INSR: variants seen among roughly 807,000 people sequenced by gnomAD.
The protein encoded by INSR is insulin receptor.
A neutral mutation model predicts 142.6 loss-of-function variants in INSR; 67 were observed. The ratio of observed to expected loss-of-function variants is 0.47; its 90% confidence interval spans 0.39 to 0.58. The LOEUF is 0.58. Among genes scored for constraint, INSR ranks in the 20% least tolerant of loss-of-function variants. INSR has a pLI of 0.00. For synonymous variants in INSR, 756 were observed against 743.1 expected, an observed-to-expected ratio of 1.02 and a Z score of -0.28; for missense variants, 1,248 against 1,833.2, an observed-to-expected ratio of 0.68 and a Z score of 5.83.
chr19:7,265,287 C>T (rs978157660), intron 2 of INSR, among the ~76,000 whole-genome samples: 2 of 152,146 alleles, frequency 1.3e-5, no homozygotes, highest in African/African-American at 4.8e-5. Context: ...TATGGACACA[C>T]CAGAAACAGA....
At position 7,207,415 on chromosome 19, in the gene INSR, T is replaced by TCAAAA. The variant is rs887233293; in HGVS notation, c.653-22783_653-22779dup. On this transcript the variant is annotated intron_variant, in intron 2 of 21. Transcript: ENST00000302850. ...CTGGGCAACAGAGTGAGACTCCATCTCAAAACAAAACAAAACAAAACAAAA... is the reference window on the plus strand; with the variant it reads ...CTGGGCAACAGAGTGAGACTCCATCTCAAAACAAAACAAAACAAAACAAAACAAAA... 1.5e-4 allele frequency among the ~76,000 whole-genome samples: 22 copies of TCAAAA among 151,354 alleles called. 1 individual carries two copies. The South Asian group carries it at 2.3e-3, about 16-fold the overall frequency.
chr19:7,263,486 G>C (rs1024693781), intron 2 of INSR, among the ~76,000 whole-genome samples: 5 of 152,136 alleles, frequency 3.3e-5, no homozygotes, highest in African/African-American at 9.7e-5. Flanking sequence ...CCGGTACCCC[G>C]GGAAGTGTTA....
intron 2 of INSR, among the ~76,000 whole-genome samples, chr19:7,200,088 G>A (rs1042141422): frequency 6.6e-6 from 1 of 152,090 alleles, no homozygotes; most frequent in Non-Finnish European, 1.5e-5. Context: ...AGGAATAGAA[G>A]ATTAGACCAG....
intron 14 of INSR, among the ~76,000 whole-genome samples, chr19:7,130,924 G>C (rs1245769792): frequency 6.7e-6 from 1 of 148,870 alleles, no homozygotes; most frequent in Non-Finnish European, 1.5e-5. Context: ...TGTCACCCAG[G>C]CTGGAGTGCA....
rs748506835 is a variant in INSR at position 7,166,379 on chromosome 19, C to T, written c.1636G>A (p.Asp546Asn). The T allele has an allele frequency of 3.7e-6, 6 of 1,614,034 alleles. No individual in the cohort carries two copies. The highest frequency in any genetic ancestry group is 1.6e-4 in the Middle Eastern group (1 of 6,062). The change falls in exon 8 of 22, where the codon GAC becomes AAC. Residue 546 changes from aspartate to asparagine, a missense_variant. Coordinates refer to ENST00000302850, the MANE Select transcript of INSR (RefSeq NM_000208.4). This position sits in a 1 kb window ranked among gnomAD's most constrained non-coding sequence, Gnocchi z 4.1. ...EAPYQNVTEF[D>N]GQDACGSNSW... ...TTGGAACCACACGCATCCTGCCCGTCGAACTCCGTCACATTCTGATAAGGG... is the reference window on the plus strand; with the variant it reads ...TTGGAACCACACGCATCCTGCCCGTTGAACTCCGTCACATTCTGATAAGGG...
chr19:7,181,186 T>A (rs1974266218), intron 3 of INSR, among the ~76,000 whole-genome samples: 1 of 152,108 alleles, frequency 6.6e-6, no homozygotes, highest in Non-Finnish European at 1.5e-5. Context: ...CCTCAGGTGA[T>A]CCACCCACCT....
chr19:7,246,916 A>ACACACTGCCCCCACCTCATGGC (rs1976555264), intron 2 of INSR, among the ~76,000 whole-genome samples: 34 of 124,100 alleles, frequency 2.7e-4, no homozygotes, highest in African/African-American at 1.6e-3. Flanking sequence ...AGCTCCATGA[A>ACACACTGCCCCCACCTCATGGC]TGAACTTGGA....
intron 11 of INSR, among the ~76,000 whole-genome samples, chr19:7,146,111 A>G: frequency 6.6e-6 from 1 of 152,156 alleles, no homozygotes; most frequent in Non-Finnish European, 1.5e-5. Flanking sequence ...CTGATCTTAA[A>G]CCATCCTTGC....
chr19:7,154,366 G>C (rs1424050243), intron 9 of INSR, among the ~76,000 whole-genome samples: 3 of 137,670 alleles, frequency 2.2e-5, no homozygotes, highest in Non-Finnish European at 3.1e-5. Flanking sequence ...GCAGTGGCGC[G>C]ATCTTGGCTC....
At chr19:7,251,765 G>A (rs1976736740) in intron 2 of INSR, among the ~76,000 whole-genome samples, 1 of 152,014 alleles carries the variant, frequency 6.6e-6, no homozygotes, top group Non-Finnish European at 1.5e-5. Context: ...CTCAACCAGA[G>A]TTAGGGATTA....
At chr19:7,279,837 T>C (rs886779862) in intron 1 of INSR, among the ~76,000 whole-genome samples, 6 of 149,122 alleles carry the variant, frequency 4.0e-5, no homozygotes, top group African/African-American at 1.5e-4. Context: ...TGGATGGGTG[T>C]GGTGGTGTGC....
chr19:7,119,704 A>C lies in INSR; in HGVS notation c.3660-121T>G, dbSNP rs1323193652. On this transcript the variant is annotated intron_variant, in intron 20 of 21. Transcript: ENST00000302850. This position sits in a 1 kb window ranked among gnomAD's most constrained non-coding sequence, Gnocchi z 5.2. ...CGCAAACACACATGCCAACACATACATGCAAACACACACATGCAAACACAC... is the reference window on the plus strand; with the variant it reads ...CGCAAACACACATGCCAACACATACCTGCAAACACACACATGCAAACACAC... 2 of 1,098,476 alleles carry C rather than the reference A, an allele frequency of 1.8e-6. No individual in the cohort carries two copies. The highest frequency in any genetic ancestry group is 2.7e-6 in the Non-Finnish European group (2 of 734,534). 68.0% of individuals were successfully genotyped at this position (1,098,476 alleles called of 1,614,324 possible). A position where few individuals can be genotyped will look rare whatever the true frequency, so the allele number is the denominator to read the frequency against.
chr19:7,210,725 A>G (rs1164592236), intron 2 of INSR, among the ~76,000 whole-genome samples: 1 of 152,076 alleles, frequency 6.6e-6, no homozygotes, highest in Admixed American at 6.6e-5. Flanking sequence ...GGAGAGAGAG[A>G]GACAGAGACA....
chr19:7,118,281 G>A (rs1286701853), intron 21 of INSR, among the ~76,000 whole-genome samples: 1 of 151,742 alleles, frequency 6.6e-6, no homozygotes, highest in African/African-American at 2.4e-5. Context: ...ATTTGGAGGG[G>A]GGAATATATA....
intron 2 of INSR, among the ~76,000 whole-genome samples, chr19:7,207,412 A>G (rs1975134252): frequency 1.3e-5 from 2 of 151,906 alleles, no homozygotes; most frequent in Admixed American, 1.3e-4. Context: ...GTGAGACTCC[A>G]TCTCAAAACA....
At chr19:7,242,753 A>AAAAAAAAAAAAAAAAAG in intron 2 of INSR, among the ~76,000 whole-genome samples, 1 of 151,394 alleles carries the variant, frequency 6.6e-6, no homozygotes, top group Non-Finnish European at 1.5e-5. Flanking sequence ...AAAAAAAAAA[A>AAAAAAAAAAAAAAAAAG]ACAGCTACAA....
chr19:7,197,510 A>AGTGG (rs1402760953), intron 2 of INSR, among the ~76,000 whole-genome samples: 2 of 61,922 alleles, frequency 3.2e-5, no homozygotes, highest in African/African-American at 1.4e-4. Context: ...CCAGAGTGGG[A>AGTGG]GTGGGGGTGT....
intron 2 of INSR, among the ~76,000 whole-genome samples, chr19:7,205,484 A>T (rs1975083558): frequency 2.0e-5 from 3 of 152,210 alleles, no homozygotes; most frequent in African/African-American, 7.2e-5. Flanking sequence ...TAAGGAACGG[A>T]TGGACAGCCA....
At chr19:7,276,823 C>T (rs1311135163) in intron 1 of INSR, among the ~76,000 whole-genome samples, 5 of 151,990 alleles carry the variant, frequency 3.3e-5, no homozygotes, top group East Asian at 1.9e-4. Context: ...CTCCATCTCC[C>T]GGGTTCAAGC....
Sources: allele counts gnomAD v4.1 joint callset (sites outside exome capture counted in the v4.1 genomes callset), GRCh38; gene constraint gnomAD v4.1.1; non-coding constraint Gnocchi (gnomAD v3.1); transcripts MANE v1.5; gene names NCBI Gene and HGNC (gene_info 2026-07-23, HGNC 2026-07-21).